The following RNMT variants were observed in gnomAD, a reference collection of about 807,000 sequenced individuals.
RNMT encodes RNA guanine-7 methyltransferase.
RNMT carries 27 observed loss-of-function variants against 56.0 expected under a neutral mutation model. The ratio of observed to expected loss-of-function variants is 0.48; its 90% CI spans 0.36 to 0.67. The LOEUF is 0.67. RNMT is among the 30% of genes least tolerant of loss of function. RNMT has a pLI of 0.00. For synonymous variants in RNMT, 184 were observed against 176.2 expected, an observed-to-expected ratio of 1.04 and a Z score of -0.35; for missense variants, 519 against 552.1, an observed-to-expected ratio of 0.94 and a Z score of 0.60.
At chr18:13,741,869 C>A (rs1417387439) in intron 7 of RNMT, among the ~76,000 whole-genome samples, 178 bp downstream of exon 7, 1 of 152,112 alleles carries the variant, frequency 6.6e-6, no homozygotes, top group Non-Finnish European at 1.5e-5. Context: ...TACAGGTGAA[C>A]TTTTAACAGT....
chr18:13,762,765 T>C lies in RNMT; in HGVS notation c.*2786T>C. ...CATGAGATGGCCAGGTATCCAGTTT[T>C]GTTAACTCTCTTTGGGAATTTCTTT... is the stretch of plus-strand genomic sequence containing the variant. On this transcript the variant is annotated 3_prime_UTR_variant, in exon 12 of 12. Transcript: ENST00000383314. 3.6e-6 allele frequency: 1 copy of C among 276,364 alleles called. No individual in the cohort carries two copies. The highest frequency in any genetic ancestry group is 4.1e-5 in the South Asian group (1 of 24,420). 17.1% of individuals were successfully genotyped at this position (276,364 alleles called of 1,614,324 possible).
At chr18:13,740,751 G>T (rs145330009) in intron 6 of RNMT, among the ~76,000 whole-genome samples, 1 of 152,194 alleles carries the variant, frequency 6.6e-6, no homozygotes, top group Non-Finnish European at 1.5e-5. Context: ...ATTCTATTAT[G>T]ATAAATTCCC....
intron 3 of RNMT, among the ~76,000 whole-genome samples, chr18:13,732,741 C>CTTT (rs1255778917): frequency 1.3e-3 from 37 of 27,672 alleles, no homozygotes; most frequent in Non-Finnish European, 2.4e-3. Context: ...GGGAGCCCCC[C>CTTT]CTTTTTTTTT....
At chr18:13,726,941 C>G (rs2043965426) in intron 1 of RNMT, 1 of 152,368 alleles carries the variant, frequency 6.6e-6, no homozygotes, top group Non-Finnish European at 1.5e-5. Context: ...TGTTCCTCCT[C>G]CAGACTGGGC....
chr18:13,740,377 A>T (rs1264864131), intron 6 of RNMT, 98 bp downstream of exon 6: 1 of 695,842 alleles, frequency 1.4e-6, no homozygotes, highest in Non-Finnish European at 2.4e-6. Context: ...TTTTAAAAAA[A>T]TTTACTCTTA....
rs778464114 is a variant in RNMT at position 13,742,599 on chromosome 18, G to C, written c.1086G>C (p.Leu362Phe). ...PLFGCKYDFN[L>F]EGVVDVPEFL... ...TTGGCTGCAAATATGACTTCAACTT[G>C]GAAGGTGTTGTGGATGTTCCTGAAT... Residue 362 changes from leucine (L) to phenylalanine (F), a missense_variant, in exon 8 of 12, where the codon TTG becomes TTC. Coordinates refer to ENST00000383314, the MANE Select transcript of RNMT (RefSeq NM_003799.3). 1 of 1,613,620 alleles carries C rather than the reference G, an allele frequency of 6.2e-7. No individual in the cohort carries two copies.
intron 9 of RNMT, 54 bp downstream of exon 9, chr18:13,746,391 G>C (rs1450030287): frequency 2.0e-6 from 2 of 1,010,800 alleles, no homozygotes; most frequent in Non-Finnish European, 3.1e-6. Context: ...TTGTTTGGCT[G>C]TTCTTGAGAT....
chr18:13,737,782 A>G (rs923364544), intron 5 of RNMT, among the ~76,000 whole-genome samples: 2 of 152,080 alleles, frequency 1.3e-5, no homozygotes, highest in Non-Finnish European at 2.9e-5. Context: ...GAAGGTTGCT[A>G]AGAAACTATT....
At chr18:13,737,253 T>C in intron 5 of RNMT, 118 bp downstream of exon 5, 5 of 920,988 alleles carry the variant, frequency 5.4e-6, no homozygotes, top group Non-Finnish European at 7.9e-6. Flanking sequence ...TTTTTTTAAA[T>C]TAATTACGGC....
At position 13,760,438 on chromosome 18, in the gene RNMT, A is replaced by G. The variant is rs2044605654; in HGVS notation, c.*459A>G. On this transcript the variant is annotated 3_prime_UTR_variant, in exon 12 of 12. Transcript: ENST00000383314. ...CAACATTTAATGGTCTGTACAGTTG[A>G]ATGTAAGTGTTCAATATGTATTGCT... 7 of 985,752 alleles carry G rather than the reference A, an allele frequency of 7.1e-6. No individual in the cohort carries two copies. The African/African-American group carries it at 1.2e-4, about 17-fold the overall frequency. 61.1% of individuals were successfully genotyped at this position (985,752 alleles called of 1,614,324 possible). A position where few individuals can be genotyped will look rare whatever the true frequency, so the allele number is the denominator to read the frequency against.
At chr18:13,748,740 T>C (rs1450681592) in intron 9 of RNMT, among the ~76,000 whole-genome samples, 1 of 152,192 alleles carries the variant, frequency 6.6e-6, no homozygotes, top group Non-Finnish European at 1.5e-5. Flanking sequence ...GGGACAGTTC[T>C]GGAAAAGTAA....
intron 8 of RNMT, 154 bp downstream of exon 8, chr18:13,742,806 A>G (rs2044273690): frequency 5.4e-6 from 3 of 556,096 alleles, no homozygotes; most frequent in Non-Finnish European, 8.9e-6. Context: ...AAAAAAAAAA[A>G]CAAAACAAGA....
chr18:13,753,449 A>G (rs565771797), intron 10 of RNMT, among the ~76,000 whole-genome samples: 3 of 147,414 alleles, frequency 2.0e-5, no homozygotes, highest in Admixed American at 1.4e-4. Flanking sequence ...TGGGCGACAG[A>G]GCCAGACTCT....
rs116677639 is a variant in RNMT, at chr18:13,741,474, T to A, written c.793-36T>A. On this transcript the variant is annotated intron_variant, in intron 6 of 11. Transcript: ENST00000383314. Reference sequence around the variant, plus strand: ...AAAAGTTTTTAATCTTTGTTGTAGTTACCTCACAATCTTAACTCATTTTAA... The same window carrying A: ...AAAAGTTTTTAATCTTTGTTGTAGTAACCTCACAATCTTAACTCATTTTAA... 115 of 1,489,798 alleles carry A rather than the reference T, an allele frequency of 7.7e-5. 2 individuals are homozygous for A. In the African/African-American group the frequency reaches 1.3e-3, roughly 17 times the overall value. The allele number at this position is 1,489,798 out of a possible 1,614,324, so 92.3% of individuals were successfully genotyped here.
chr18:13,744,039 T>C (rs2044304454), intron 8 of RNMT, among the ~76,000 whole-genome samples: 1 of 152,132 alleles, frequency 6.6e-6, no homozygotes, highest in Middle Eastern at 3.4e-3. Flanking sequence ...TGGAATGTTA[T>C]TGAGTATGTT....
intron 8 of RNMT, among the ~76,000 whole-genome samples, chr18:13,745,765 GAA>G (rs200194181): frequency 7.0e-6 from 1 of 143,562 alleles, no homozygotes; most frequent in African/African-American, 2.6e-5. Context: ...AAGTGAAAAG[GAA>G]AAAAAAAAAA....
intron 5 of RNMT, 74 bp downstream of exon 5, chr18:13,737,209 T>C: frequency 7.3e-7 from 1 of 1,361,824 alleles, no homozygotes; most frequent in Non-Finnish European, 1.0e-6. Flanking sequence ...TTGTCTCAAA[T>C]TGCAAGATAT....
rs1164569623 is a variant in RNMT, at chr18:13,760,354, T to C, written c.*375T>C. On this transcript the variant is annotated 3_prime_UTR_variant, in exon 12 of 12. Transcript: ENST00000383314. The stretch of plus-strand genomic sequence containing the variant: ...ATTCAATTTATTGCAGTTATAGAAT[T>C]GGTCAGAGAGCATTTTCATAGTGTG... 4 of 1,005,078 alleles carry C rather than the reference T, an allele frequency of 4.0e-6. No individual in the cohort carries two copies. In the Admixed American group the frequency reaches 2.3e-4, roughly 58 times the overall value. 62.3% of individuals were successfully genotyped at this position (1,005,078 alleles called of 1,614,324 possible). A position where few individuals can be genotyped will look rare whatever the true frequency, so the allele number is the denominator to read the frequency against.
chr18:13,731,751 A>G lies in RNMT; in HGVS notation c.234A>G (p.Pro78=), dbSNP rs1221190585. 3.7e-6 allele frequency: 6 copies of G among 1,612,810 alleles called. No individual in the cohort carries two copies. Among genetic ancestry groups the G allele is most frequent in the African/African-American group, 2.7e-5 (2 of 74,756 alleles). ...GTTCTAGTTGTGGGAAAGACACTCC[A>G]TCCAAGAAGAGAAAACTTGATCCTG... The part of the protein sequence containing the change: ...KESSSCGKDT[P]SKKRKLDPEI... The change falls in exon 3 of 12, where the codon CCA becomes CCG. Residue 78 remains proline (P), a synonymous_variant. Coordinates refer to ENST00000383314, the MANE Select transcript of RNMT (RefSeq NM_003799.3).
Sources: gnomAD v4.1 joint callset for allele counts (sites outside exome capture counted in the v4.1 genomes callset) on GRCh38, gnomAD v4.1.1 for gene constraint, MANE v1.5 for transcripts, NCBI Gene and HGNC (gene_info 2026-07-23, HGNC 2026-07-21) for gene names.